The following ADCY1 variants were observed in gnomAD, a reference collection of about 807,000 sequenced individuals.
The protein encoded by ADCY1 is adenylate cyclase 1, also known as adenylate cyclase type 1.
A neutral mutation model predicts 105.4 loss-of-function variants in ADCY1; 28 were observed. The ratio of observed to expected loss-of-function variants is 0.27; its 90% CI spans 0.20 to 0.36. ADCY1 has a LOEUF of 0.36. Ranked by LOEUF, ADCY1 falls within the 10% of genes least tolerant of loss-of-function variation. The probability of loss-of-function intolerance (pLI) is 1.00; values close to 1 mark genes in which losing one functional copy is unlikely to be tolerated. For missense variants in ADCY1, 977 were observed against 1,434.2 expected (o/e 0.68, Z 5.15); for synonymous variants, 655 against 623.8 (o/e 1.05, Z -0.75).
chr7:45,600,878 A>G (rs1410226658), intron 2 of ADCY1, among the ~76,000 whole-genome samples: 1 of 152,064 alleles, frequency 6.6e-6, no homozygotes. Context: ...GCCACATTGG[A>G]TTAGGGCCCA....
intron 1 of ADCY1, among the ~76,000 whole-genome samples, chr7:45,592,201 C>T (rs936758764): frequency 3.6e-4 from 54 of 152,026 alleles, no homozygotes; most frequent in Non-Finnish European, 2.4e-4. Context: ...GACTGGGCAC[C>T]TTAAACAACA....
At chr7:45,698,699 G>A (rs895655774) in intron 14 of ADCY1, among the ~76,000 whole-genome samples, 9 of 152,162 alleles carry the variant, frequency 5.9e-5, no homozygotes, top group Non-Finnish European at 1.0e-4. Context: ...TGCTTTGGCT[G>A]GAAAAGTAAT....
chr7:45,586,512 A>G (rs911857597), intron 1 of ADCY1, among the ~76,000 whole-genome samples: 1 of 152,242 alleles, frequency 6.6e-6, no homozygotes, highest in African/African-American at 2.4e-5. Context: ...TCCAACAATT[A>G]TCAGCATTCT....
At chr7:45,675,987 G>A (rs1784449359) in intron 8 of ADCY1, among the ~76,000 whole-genome samples, 1 of 151,156 alleles carries the variant, frequency 6.6e-6, no homozygotes, top group African/African-American at 2.4e-5. Context: ...TCGGGACTCT[G>A]ATGACATGAA....
intron 4 of ADCY1, among the ~76,000 whole-genome samples, chr7:45,629,900 T>A (rs1260367482): frequency 6.6e-6 from 1 of 152,228 alleles, no homozygotes; most frequent in Non-Finnish European, 1.5e-5. Context: ...AGTGTGTGAG[T>A]TCCAGTTGCT....
chr7:45,666,940 C>T (rs1447080429), intron 8 of ADCY1, among the ~76,000 whole-genome samples: 1 of 152,166 alleles, frequency 6.6e-6, no homozygotes, highest in Non-Finnish European at 1.5e-5. Context: ...TGAGAAGTGT[C>T]TGTTCATATC....
intron 14 of ADCY1, among the ~76,000 whole-genome samples, chr7:45,693,882 G>T (rs1216512839): frequency 7.7e-6 from 1 of 129,526 alleles, no homozygotes; most frequent in African/African-American, 3.0e-5. Context: ...ACCAAACACC[G>T]CATATTCTCA....
intron 8 of ADCY1, among the ~76,000 whole-genome samples, chr7:45,670,097 A>G (rs571740503): frequency 1.3e-5 from 2 of 152,338 alleles, no homozygotes; most frequent in African/African-American, 2.4e-5. Flanking sequence ...TTGAGTAGGT[A>G]TTAAGATGCT....
At chr7:45,712,038 T>C (rs1320156674) in intron 19 of ADCY1, among the ~76,000 whole-genome samples, 2 of 127,872 alleles carry the variant, frequency 1.6e-5, no homozygotes, top group East Asian at 2.0e-4. Context: ...ACTAAATATA[T>C]ATTTTATATA....
chr7:45,706,649 A>G (rs1306957265), intron 17 of ADCY1, among the ~76,000 whole-genome samples: 4 of 152,196 alleles, frequency 2.6e-5, no homozygotes, highest in Admixed American at 2.0e-4. Flanking sequence ...CAGTTTGGCA[A>G]TGACTTTTTA....
rs958528664 is a variant in ADCY1 at position 45,722,913 on chromosome 7, G to A, written c.*8918G>A. 1 of 152,436 alleles carries A rather than the reference G, an allele frequency of 6.6e-6. No homozygotes were observed. Among genetic ancestry groups the A allele is most frequent in the Admixed American group, 6.5e-5 (1 of 15,276 alleles). 9.4% of individuals were successfully genotyped at this position (152,436 alleles called of 1,614,324 possible). Reference sequence around the variant, plus strand: ...TTTTATGTCAACTGAACACTGTAGGGTACCTTCCAGTCTTTTTCAAGATTG... The same window carrying A: ...TTTTATGTCAACTGAACACTGTAGGATACCTTCCAGTCTTTTTCAAGATTG... On this transcript the variant is annotated 3_prime_UTR_variant, in exon 20 of 20. Transcript: ENST00000297323.
chr7:45,649,968 AAGC>A (rs1039954313), intron 5 of ADCY1, among the ~76,000 whole-genome samples: 27 of 152,148 alleles, frequency 1.8e-4, no homozygotes, highest in African/African-American at 6.0e-4. Flanking sequence ...CCCCAGAGAA[AAGC>A]AGCCTGGCTG....
intron 6 of ADCY1, among the ~76,000 whole-genome samples, chr7:45,659,315 C>T (rs994970110): frequency 2.0e-5 from 3 of 152,330 alleles, no homozygotes; most frequent in African/African-American, 4.8e-5. Context: ...TTTTCCCCTG[C>T]GAGGAGTTCA....
intron 4 of ADCY1, among the ~76,000 whole-genome samples, chr7:45,646,362 G>T (rs1293098732): frequency 6.6e-6 from 1 of 152,206 alleles, no homozygotes; most frequent in African/African-American, 2.4e-5. Flanking sequence ...GCCCTGAGGG[G>T]CTGGCACTGG....
intron 1 of ADCY1, among the ~76,000 whole-genome samples, chr7:45,576,604 G>C (rs1792355697): frequency 6.6e-6 from 1 of 152,146 alleles, no homozygotes; most frequent in South Asian, 2.1e-4. Flanking sequence ...ATGTCCTGGA[G>C]GGGAAGGAGG....
Position 45,710,814 on chromosome 7 carries a change from C to G in ADCY1, c.3057+162C>G, listed in dbSNP as rs573439249. ...GTCTGCTCTGGAGGGCATCCTGGCC[C>G]GGGCATCTTGATTTTGCTGTTTGGT... On this transcript the variant is annotated intron_variant, in intron 19 of 19. Coordinates refer to ENST00000297323, the MANE Select transcript of ADCY1 (RefSeq NM_021116.4). This position sits in a 1 kb window ranked among gnomAD's most constrained non-coding sequence, Gnocchi z 4.7. Among the ~76,000 whole-genome samples the G allele has an allele frequency of 6.6e-6, 1 of 152,148 alleles. No homozygotes were observed. Among genetic ancestry groups the G allele is most frequent in the Non-Finnish European group, 1.5e-5 (1 of 68,028 alleles).
chr7:45,648,654 T>C lies in ADCY1; in HGVS notation c.1021-16T>C, dbSNP rs1794731847. The C allele has an allele frequency of 6.2e-7, 1 of 1,613,920 alleles. No homozygotes were observed. The highest frequency in any genetic ancestry group is 1.3e-5 in the African/African-American group (1 of 74,916). ...GTAGCGCTGTCTCTTACCATGTGCC[T>C]TGCCCTTCCCTGAAGGAGAACCACT... On this transcript the variant is annotated splice_polypyrimidine_tract_variant and intron_variant, in intron 4 of 19. Coordinates refer to ENST00000297323, the MANE Select transcript of ADCY1 (RefSeq NM_021116.4).
rs551665672 is a variant in ADCY1, at chr7:45,716,781, A to G, written c.*2786A>G. ...TTAGGGATCTAAGGATGGGAGGGGA[A>G]CTTGGTTTATCTGGGTGGGCTCAGT... On this transcript the variant is annotated 3_prime_UTR_variant, in exon 20 of 20. Coordinates refer to ENST00000297323, the MANE Select transcript of ADCY1 (RefSeq NM_021116.4). The G allele has an allele frequency of 1.3e-4, 20 of 152,440 alleles. No individual in the cohort carries two copies. Among genetic ancestry groups the G allele is most frequent in the African/African-American group, 4.6e-4 (19 of 41,558 alleles). 9.4% of individuals were successfully genotyped at this position (152,440 alleles called of 1,614,324 possible).
chr7:45,653,222 T>C (rs541412235), intron 5 of ADCY1, among the ~76,000 whole-genome samples: 69 of 152,286 alleles, frequency 4.5e-4, no homozygotes, highest in Non-Finnish European at 7.6e-4. Context: ...CCTGGACATG[T>C]TCCTTTTGTC....
Sources: gnomAD v4.1 joint callset for allele counts (sites outside exome capture counted in the v4.1 genomes callset) on GRCh38, gnomAD v4.1.1 for gene constraint, Gnocchi (gnomAD v3.1) non-coding constraint, MANE v1.5 for transcripts, NCBI Gene and HGNC (gene_info 2026-07-23, HGNC 2026-07-21) for gene names.